FAM217B: variants seen among roughly 807,000 people sequenced by gnomAD.
FAM217B encodes protein FAM217B.
For synonymous variants in FAM217B, 163 were observed against 173.0 expected, an observed-to-expected ratio of 0.94 and a Z score of 0.45; for missense variants, 463 against 456.9, an observed-to-expected ratio of 1.01 and a Z score of -0.12.
chr20:59,939,908 C>A, upstream of FAM217B: 1 of 1,254,942 alleles, frequency 8.0e-7, no homozygotes, highest in African/African-American at 1.5e-5. Flanking sequence ...TAGGCAGGAC[C>A]GCGGAGCTCG....
In FAM217B at chr20:59,947,976, T is replaced by A. The variant is rs2060946857; in HGVS notation, c.*2881T>A. The A allele has an allele frequency of 6.0e-6, 1 of 166,320 alleles. No homozygotes were observed. Among genetic ancestry groups the A allele is most frequent in the African/African-American group, 2.4e-5 (1 of 41,234 alleles). The allele number at this position is 166,320 out of a possible 1,614,324, so 10.3% of individuals were successfully genotyped here. A position where few individuals can be genotyped will look rare whatever the true frequency, so the allele number is the denominator to read the frequency against. Reference sequence around the variant, plus strand: ...TGTATTTCCGAGAAGTGCCTCTCATTTCTGGGGAGTTGTTTACATATACCC... The same window carrying A: ...TGTATTTCCGAGAAGTGCCTCTCATATCTGGGGAGTTGTTTACATATACCC... On this transcript the variant is annotated 3_prime_UTR_variant, in exon 4 of 4. Transcript: ENST00000360816.
chr20:59,940,055 CG>C (rs1464550773), upstream of FAM217B: 56 of 810,192 alleles, frequency 6.9e-5, no homozygotes, highest in Non-Finnish European at 9.1e-5. Context: ...GGGGACCTCT[CG>C]GGCCCGGTGC....
chr20:59,939,633 T>A, upstream of FAM217B: 3 of 1,576,516 alleles, frequency 1.9e-6, no homozygotes, highest in South Asian at 1.2e-5. Context: ...CACGCGGAGC[T>A]TCTGGCTGCA....
upstream of FAM217B, chr20:59,940,030 T>A: frequency 9.6e-7 from 1 of 1,044,502 alleles, no homozygotes; most frequent in Non-Finnish European, 1.2e-6. Context: ...GAGTCCACCG[T>A]ATCTGCAACC....
chr20:59,934,671 GTAGT>G (rs1246002881), intron 1 of FAM217B, among the ~76,000 whole-genome samples: 3 of 152,258 alleles, frequency 2.0e-5, no homozygotes, highest in African/African-American at 4.8e-5. Context: ...AATTGTATGT[GTAGT>G]TAAACTTTTA....
At chr20:59,942,913 C>T (rs1029353095) in intron 3 of FAM217B, among the ~76,000 whole-genome samples, 2 of 152,008 alleles carry the variant, frequency 1.3e-5, no homozygotes, top group African/African-American at 4.8e-5. Context: ...ATTGAGCACA[C>T]GTTGTACTAT....
rs1351802547 is a variant in FAM217B, at chr20:59,940,421, C to G, written c.-317C>G. The G allele has an allele frequency of 3.9e-5, 6 of 152,258 alleles. No individual in the cohort carries two copies. Among genetic ancestry groups the G allele is most frequent in the Non-Finnish European group, 7.3e-5 (5 of 68,062 alleles). 9.4% of individuals were successfully genotyped at this position (152,258 alleles called of 1,614,324 possible). ...CCAGGGAGCTCAGCGGAGCTGCGCG[C>G]CTCCGCCTCCAGCTCCCCTGCCGCA... On this transcript the variant is annotated 5_prime_UTR_variant, in exon 1 of 4. Transcript: ENST00000360816.
At chr20:59,937,205 C>T (rs1423480492), upstream of FAM217B, 1 of 152,642 alleles carries the variant, frequency 6.6e-6, no homozygotes, top group Non-Finnish European at 1.5e-5. Flanking sequence ...TAACTCATAT[C>T]TAAATTCTCT....
upstream of FAM217B, chr20:59,940,109 C>T: frequency 2.3e-6 from 1 of 439,590 alleles, no homozygotes; most frequent in Non-Finnish European, 4.0e-6. Flanking sequence ...AGTCCTTGTC[C>T]AGGTCCTCCG....
chr20:59,939,816 C>G (rs1189717233), upstream of FAM217B: 1 of 1,235,188 alleles, frequency 8.1e-7, no homozygotes, highest in Non-Finnish European at 1.0e-6. Flanking sequence ...CCTACAGGCC[C>G]GCGGCTCCAG....
intron 3 of FAM217B, among the ~76,000 whole-genome samples, chr20:59,943,403 G>A (rs2060916273): frequency 6.6e-6 from 1 of 152,134 alleles, no homozygotes; most frequent in African/African-American, 2.4e-5. Flanking sequence ...GTTTGTATGT[G>A]CAATACTTTT....
intron 1 of FAM217B, among the ~76,000 whole-genome samples, chr20:59,941,142 G>A (rs951193257): frequency 6.6e-6 from 1 of 152,206 alleles, no homozygotes; most frequent in Non-Finnish European, 1.5e-5. Flanking sequence ...AAACCCCACA[G>A]CCTTTGGTGT....
chr20:59,944,052 C>T lies in FAM217B; in HGVS notation c.109C>T (p.Leu37Phe), dbSNP rs763164828. 1 of 1,614,130 alleles carries T rather than the reference C, an allele frequency of 6.2e-7. No individual in the cohort carries two copies. Among genetic ancestry groups the T allele is most frequent in the Non-Finnish European group, 8.5e-7 (1 of 1,180,018 alleles). Residue 37 changes from leucine to phenylalanine, a missense_variant, in exon 4 of 4, where the codon CTC becomes TTC. By Grantham distance (22) the Leu-to-Phe change is conservative (BLOSUM62 0). Transcript: ENST00000360816. ...CGCTTCTTCCCAGCCGAGAAGCAGC[C>T]TCACAGCTGTCACCCAGCCTACTGA... ...PHASSQPRSS[L>F]TAVTQPTEEK...
upstream of FAM217B, chr20:59,939,548 C>G (rs752897007): frequency 1.2e-6 from 2 of 1,611,714 alleles, no homozygotes; most frequent in East Asian, 2.2e-5. Context: ...GCACGTGCAG[C>G]GGCACGGACG....
At chr20:59,939,406 G>C (rs776567247), upstream of FAM217B, 3 of 1,610,582 alleles carry the variant, frequency 1.9e-6, no homozygotes, top group Admixed American at 5.0e-5. Flanking sequence ...AGGCACACGA[G>C]CTGCCGCTGC....
chr20:59,934,153 G>T (rs2060836423), intron 1 of FAM217B, among the ~76,000 whole-genome samples: 1 of 152,188 alleles, frequency 6.6e-6, no homozygotes, highest in Non-Finnish European at 1.5e-5. Context: ...ACTCCTGGGT[G>T]AGGCCTGGCT....
chr20:59,940,943 C>G (rs1317855260), intron 1 of FAM217B, among the ~76,000 whole-genome samples: 5 of 152,216 alleles, frequency 3.3e-5, no homozygotes, highest in Non-Finnish European at 7.3e-5. Flanking sequence ...GAGTTATTAC[C>G]CGCTGATGAC....
At chr20:59,939,735 G>A, upstream of FAM217B, 1 of 1,247,754 alleles carries the variant, frequency 8.0e-7, no homozygotes, top group Non-Finnish European at 1.0e-6. Flanking sequence ...CAGGATGATG[G>A]GCCGCAGGCG....
upstream of FAM217B, chr20:59,939,580 C>A (rs776469988): frequency 6.2e-6 from 10 of 1,608,696 alleles, no homozygotes; most frequent in Non-Finnish European, 8.5e-6. Context: ...GCGTTGAACA[C>A]CTTGACCTGT....
Sources: allele counts gnomAD v4.1 joint callset (sites outside exome capture counted in the v4.1 genomes callset), GRCh38; gene constraint gnomAD v4.1.1; transcripts MANE v1.5; gene names NCBI Gene and HGNC (gene_info 2026-07-23, HGNC 2026-07-21).